Variants in SAMD5 observed in about 807,000 individuals in gnomAD.
The protein encoded by SAMD5 is sterile alpha motif domain-containing protein 5.
SAMD5 carries 13 observed loss-of-function variants against 11.3 expected under a neutral mutation model. The observed-to-expected ratio is 1.15, with a 90% confidence interval of 0.75 to 1.83. SAMD5 has a LOEUF of 1.83. Ranked by LOEUF, SAMD5 falls within the 40% of genes most tolerant of loss-of-function variation. The pLI is 0.00. For synonymous variants in SAMD5, 129 were observed against 111.3 expected, an observed-to-expected ratio of 1.16 and a Z score of -1.00; for missense variants, 255 against 239.1, an observed-to-expected ratio of 1.07 and a Z score of -0.44.
intron 1 of SAMD5, among the ~76,000 whole-genome samples, chr6:147,720,680 C>CT (rs930527938): frequency 7.9e-5 from 12 of 151,722 alleles, no homozygotes; most frequent in African/African-American, 2.9e-4. Flanking sequence ...CTTTAAATTT[C>CT]TTTTTTTTAA....
At chr6:147,684,489 G>A (rs1273651983) in intron 1 of SAMD5, among the ~76,000 whole-genome samples, 1 of 152,136 alleles carries the variant, frequency 6.6e-6, no homozygotes, top group Non-Finnish European at 1.5e-5. Context: ...CTGGGTCATA[G>A]AGTCCTAAGT....
rs1445774622 is a variant in SAMD5, at chr6:147,569,219, T to C, written c.*4763T>C. 4.8e-6 allele frequency: 1 copy of C among 208,614 alleles called. No individual in the cohort carries two copies. The highest frequency in any genetic ancestry group is 1.8e-4 in the South Asian group (1 of 5,604). The allele number at this position is 208,614 out of a possible 1,614,324, so 12.9% of individuals were successfully genotyped here. On this transcript the variant is annotated 3_prime_UTR_variant, in exon 2 of 2. Coordinates refer to ENST00000367474, the MANE Select transcript of SAMD5 (RefSeq NM_001030060.3). ...CTGGGCAACAGAGTGAGACTCTGTC[T>C]AAAAAAAAAAAAAAAAGAAAAGAAA...
At chr6:147,806,313 C>CGT in the SAMD5 span, among the ~76,000 whole-genome samples, 253 of 126,084 alleles carry the variant, frequency 2.0e-3, 1 homozygote, top group African/African-American at 8.8e-3. Flanking sequence ...TGCGCGCGCG[C>CGT]GCGCGCACAC....
chr6:147,944,935 A>G, the SAMD5 span, among the ~76,000 whole-genome samples: 2 of 152,112 alleles, frequency 1.3e-5, no homozygotes, highest in East Asian at 3.9e-4. Context: ...CCATCTTCAC[A>G]TAGATTTCTC....
the SAMD5 span, among the ~76,000 whole-genome samples, chr6:147,783,399 G>T: frequency 2.0e-5 from 3 of 148,990 alleles, no homozygotes; most frequent in Non-Finnish European, 3.0e-5. Context: ...TTTGCGGGGG[G>T]TCGGGGCGGG....
chr6:147,788,296 C>G, the SAMD5 span, among the ~76,000 whole-genome samples: 1 of 152,150 alleles, frequency 6.6e-6, no homozygotes, highest in Non-Finnish European at 1.5e-5. Flanking sequence ...GTGACAGCTA[C>G]AGAGAGTTTA....
chr6:147,793,878 T>G, the SAMD5 span, among the ~76,000 whole-genome samples: 1 of 152,190 alleles, frequency 6.6e-6, no homozygotes. Flanking sequence ...TTCAGTATTA[T>G]GTTGGCTATT....
chr6:147,828,964 A>T, the SAMD5 span, among the ~76,000 whole-genome samples: 2 of 152,210 alleles, frequency 1.3e-5, no homozygotes, highest in Non-Finnish European at 2.9e-5. Context: ...TGAAACCATT[A>T]GGGCTTTACC....
At chr6:147,587,739 T>G (rs1233738838) in intron 1 of SAMD5, among the ~76,000 whole-genome samples, 1 of 152,166 alleles carries the variant, frequency 6.6e-6, no homozygotes. Flanking sequence ...TTTCAAGACT[T>G]GGTAGGACTT....
chr6:147,909,609 TTTCTTTCTTTCTTTCTTTCTTTCTC>T, the SAMD5 span, among the ~76,000 whole-genome samples: 3 of 69,136 alleles, frequency 4.3e-5, no homozygotes, highest in African/African-American at 1.8e-4. Context: ...TCTTTCTTTC[TTTCTTTCTTTCTTTCTTTCTTTCTC>T]TTTCTTGTCT....
chr6:147,601,749 A>G (rs961084803), intron 1 of SAMD5, among the ~76,000 whole-genome samples: 1 of 152,240 alleles, frequency 6.6e-6, no homozygotes, highest in African/African-American at 2.4e-5. Context: ...CATGTCTCAT[A>G]TGGTACTAAA....
the SAMD5 span, among the ~76,000 whole-genome samples, chr6:147,871,310 T>C: frequency 2.0e-5 from 3 of 152,182 alleles, no homozygotes; most frequent in Non-Finnish European, 4.4e-5. Context: ...TTTCTTTAAT[T>C]ACTAATATCA....
the SAMD5 span, among the ~76,000 whole-genome samples, chr6:147,798,256 T>A: frequency 1.3e-5 from 2 of 149,652 alleles, no homozygotes; most frequent in African/African-American, 5.0e-5. Context: ...CCAGAGATTC[T>A]GGTATGTTGT....
chr6:147,551,213 G>A (rs1788767220), intron 1 of SAMD5, among the ~76,000 whole-genome samples: 1 of 152,142 alleles, frequency 6.6e-6, no homozygotes, highest in Non-Finnish European at 1.5e-5. Context: ...TAGTGTCTAG[G>A]CTCTGTTCCC....
chr6:147,871,221 A>C, the SAMD5 span, among the ~76,000 whole-genome samples: 16 of 152,170 alleles, frequency 1.1e-4, no homozygotes, highest in African/African-American at 3.1e-4. Flanking sequence ...TCTTAACAGG[A>C]TCAATTTTTT....
At chr6:147,579,454 ATTTTTTT>A (rs3031353) in intron 1 of SAMD5, among the ~76,000 whole-genome samples, 4 of 76,916 alleles carry the variant, frequency 5.2e-5, no homozygotes, top group Admixed American at 1.9e-4. Flanking sequence ...CAGGCTTTGA[ATTTTTTT>A]TTTTTTTTTT....
At chr6:147,902,381 G>T in the SAMD5 span, among the ~76,000 whole-genome samples, 2 of 151,160 alleles carry the variant, frequency 1.3e-5, no homozygotes, top group Non-Finnish European at 2.9e-5. Context: ...TCTTTGTTCC[G>T]CATCTTCTTA....
At chr6:147,746,681 G>A in the SAMD5 span, among the ~76,000 whole-genome samples, 1 of 152,196 alleles carries the variant, frequency 6.6e-6, no homozygotes, top group South Asian at 2.1e-4. Flanking sequence ...AAACTATCAT[G>A]GAAGGTCTCA....
intron 1 of SAMD5, among the ~76,000 whole-genome samples, chr6:147,696,875 A>G (rs1791183305): frequency 1.3e-5 from 2 of 152,212 alleles, no homozygotes; most frequent in Non-Finnish European, 2.9e-5. Context: ...GGCTGTAGCA[A>G]GGCCACTGGG....
Sources: allele counts gnomAD v4.1 joint callset (sites outside exome capture counted in the v4.1 genomes callset), GRCh38; gene constraint gnomAD v4.1.1; transcripts MANE v1.5; gene names NCBI Gene and HGNC (gene_info 2026-07-23, HGNC 2026-07-21).